Variants in RIGI observed in about 807,000 individuals in gnomAD.
RIGI encodes the protein RNA sensor RIG-I, also known as antiviral innate immune response receptor RIG-I.
chr9:32,472,818 A>C, the RIGI span, among the ~76,000 whole-genome samples: 1 of 152,240 alleles, frequency 6.6e-6, no homozygotes, highest in South Asian at 2.1e-4. Context: ...CTGTGGTTAA[A>C]CCTTGACTGA....
the RIGI span, chr9:32,500,769 T>C: frequency 6.9e-6 from 11 of 1,598,010 alleles, no homozygotes; most frequent in Non-Finnish European, 9.4e-6. Flanking sequence ...AGCAAAGTAA[T>C]ATCCTCTGAT....
the RIGI span, among the ~76,000 whole-genome samples, chr9:32,511,450 A>G: frequency 6.6e-6 from 1 of 152,222 alleles, no homozygotes; most frequent in Non-Finnish European, 1.5e-5. Flanking sequence ...GCACAACTAC[A>G]TGGAAACTGA....
At chr9:32,465,189 T>G in the RIGI span, among the ~76,000 whole-genome samples, 1 of 152,216 alleles carries the variant, frequency 6.6e-6, no homozygotes, top group Non-Finnish European at 1.5e-5. Flanking sequence ...AGGAACTAAA[T>G]AATTTCCCTG....
the RIGI span, chr9:32,491,225 G>C: frequency 3.3e-6 from 5 of 1,526,892 alleles, no homozygotes; most frequent in African/African-American, 4.2e-5. Context: ...CTGTGACTTT[G>C]GGTACTGCAA....
chr9:32,456,479 G>A, the RIGI span: 1 of 152,012 alleles, frequency 6.6e-6, no homozygotes, highest in South Asian at 2.1e-4. Flanking sequence ...ATACATACCT[G>A]TATGTATGTA....
the RIGI span, among the ~76,000 whole-genome samples, chr9:32,511,301 T>A: frequency 6.6e-6 from 1 of 152,118 alleles, no homozygotes; most frequent in Non-Finnish European, 1.5e-5. Flanking sequence ...CAGCACCACA[T>A]CATACTTATT....
At chr9:32,480,684 G>A in the RIGI span, among the ~76,000 whole-genome samples, 3 of 152,270 alleles carry the variant, frequency 2.0e-5, no homozygotes, top group South Asian at 6.2e-4. Flanking sequence ...ACATCAACCT[G>A]CCTCATAATT....
chr9:32,491,563 A>G, the RIGI span: 1 of 625,712 alleles, frequency 1.6e-6, no homozygotes, highest in Non-Finnish European at 2.6e-6. Flanking sequence ...ACCTTTTAAA[A>G]CAGTTGAAAG....
chr9:32,474,641 G>A, the RIGI span, among the ~76,000 whole-genome samples: 32 of 152,184 alleles, frequency 2.1e-4, no homozygotes, highest in Admixed American at 5.9e-4. Context: ...TCAGCCAACA[G>A]CCATATGAGA....
At chr9:32,513,544 G>C in the RIGI span, among the ~76,000 whole-genome samples, 2 of 152,098 alleles carry the variant, frequency 1.3e-5, no homozygotes, top group African/African-American at 4.8e-5. Context: ...ACTGAAACTG[G>C]ACCACTTCCT....
At chr9:32,486,220 G>A in the RIGI span, among the ~76,000 whole-genome samples, 1 of 152,086 alleles carries the variant, frequency 6.6e-6, no homozygotes, top group Admixed American at 6.6e-5. Context: ...GGGAGGCCGA[G>A]GAGGGTGGAT....
chr9:32,473,672 G>A, the RIGI span, among the ~76,000 whole-genome samples: 1 of 152,162 alleles, frequency 6.6e-6, no homozygotes, highest in African/African-American at 2.4e-5. Context: ...CACAGGACAG[G>A]AGATCAATAT....
the RIGI span, among the ~76,000 whole-genome samples, chr9:32,506,061 T>A: frequency 6.6e-6 from 1 of 152,002 alleles, no homozygotes; most frequent in East Asian, 1.9e-4. Context: ...CTTCTAAAAA[T>A]AGAAAAATTA....
chr9:32,493,694 T>G, the RIGI span: 1 of 1,069,556 alleles, frequency 9.3e-7, no homozygotes, highest in Non-Finnish European at 1.4e-6. Context: ...TAAAACAGTA[T>G]AGAAAACAGA....
At chr9:32,490,458 T>G in the RIGI span, among the ~76,000 whole-genome samples, 9 of 148,618 alleles carry the variant, frequency 6.1e-5, no homozygotes, top group Admixed American at 3.4e-4. Flanking sequence ...CATGTATCTG[T>G]TTTTTTTTTC....
the RIGI span, chr9:32,488,284 C>T: frequency 1.4e-6 from 2 of 1,444,152 alleles, no homozygotes; most frequent in South Asian, 2.6e-5. Context: ...ATCAGAACAT[C>T]AACTGATTAA....
At chr9:32,485,197 T>A in the RIGI span, 1 of 1,606,070 alleles carries the variant, frequency 6.2e-7, no homozygotes, top group Non-Finnish European at 8.5e-7. Context: ...AGATTCTCTT[T>A]GCCAGACTCT....
the RIGI span, among the ~76,000 whole-genome samples, chr9:32,475,285 C>A: frequency 6.6e-6 from 1 of 152,110 alleles, no homozygotes; most frequent in African/African-American, 2.4e-5. Flanking sequence ...AAAATCCCAG[C>A]AGATTTTTTC....
the RIGI span, among the ~76,000 whole-genome samples, chr9:32,465,357 CT>C: frequency 3.2e-4 from 49 of 152,276 alleles, no homozygotes; most frequent in South Asian, 8.7e-3. Context: ...ATGGTCAATA[CT>C]TTTTGGAGCA....
Sources: allele counts gnomAD v4.1 joint callset (sites outside exome capture counted in the v4.1 genomes callset), GRCh38; gene constraint gnomAD v4.1.1; transcripts MANE v1.5; gene names NCBI Gene and HGNC (gene_info 2026-07-23, HGNC 2026-07-21).